Variants in XIRP2 observed in about 807,000 individuals in gnomAD.
XIRP2 encodes xin actin binding repeat containing 2, also known as xin actin-binding repeat-containing protein 2.
A neutral mutation model predicts 277.0 loss-of-function variants in XIRP2; 236 were observed. The ratio of observed to expected loss-of-function variants is 0.85; its 90% CI spans 0.77 to 0.95. The LOEUF is 0.95. Ranked by LOEUF, XIRP2 falls within the 40% of genes least tolerant of loss-of-function variation. The probability of loss-of-function intolerance (pLI) is 0.00; values close to 1 mark genes in which losing one functional copy is unlikely to be tolerated. For missense variants in XIRP2, 4,640 were observed against 4,157.5 expected (o/e 1.12, Z -3.19); for synonymous variants, 1,490 against 1,416.5 (o/e 1.05, Z -1.17).
chr2:167,180,316 C>T (rs1228659360), intron 3 of XIRP2, among the ~76,000 whole-genome samples: 5 of 152,046 alleles, frequency 3.3e-5, no homozygotes. Context: ...TCCTCTGAAA[C>T]AGTTATGTTT....
At chr2:166,937,845 T>C (rs1685564722) in intron 2 of XIRP2, among the ~76,000 whole-genome samples, 2 of 152,224 alleles carry the variant, frequency 1.3e-5, no homozygotes, top group African/African-American at 4.8e-5. Context: ...TGTTGAGGAA[T>C]TTATCCATTT....
intron 2 of XIRP2, among the ~76,000 whole-genome samples, chr2:167,035,228 G>A (rs373431478): frequency 5.9e-4 from 90 of 152,270 alleles, no homozygotes; most frequent in African/African-American, 1.9e-3. Context: ...ATGTGGAAGC[G>A]ACTTTGGATC....
chr2:167,004,471 G>C (rs985032045), intron 2 of XIRP2, among the ~76,000 whole-genome samples: 2 of 151,822 alleles, frequency 1.3e-5, no homozygotes, highest in Non-Finnish European at 2.9e-5. Flanking sequence ...CTAAAATGCA[G>C]CTAAGAACTT....
At chr2:166,983,038 A>G (rs1283687238) in intron 2 of XIRP2, among the ~76,000 whole-genome samples, 1 of 152,164 alleles carries the variant, frequency 6.6e-6, no homozygotes, top group East Asian at 1.9e-4. Context: ...GCCTTCAGTT[A>G]GGTGGCTTTT....
chr2:167,166,587 C>T (rs1290257179), intron 3 of XIRP2, among the ~76,000 whole-genome samples: 1 of 152,082 alleles, frequency 6.6e-6, no homozygotes, highest in East Asian at 1.9e-4. Flanking sequence ...CTGGTGAGGG[C>T]TCAGGGCACT....
At chr2:167,081,369 G>C (rs1159750120) in intron 2 of XIRP2, among the ~76,000 whole-genome samples, 2 of 152,170 alleles carry the variant, frequency 1.3e-5, no homozygotes, top group Non-Finnish European at 2.9e-5. Flanking sequence ...CAGAGAAGCA[G>C]AGGTGAGAGG....
At chr2:166,987,085 T>G (rs561427483) in intron 2 of XIRP2, among the ~76,000 whole-genome samples, 1 of 152,310 alleles carries the variant, frequency 6.6e-6, no homozygotes, top group East Asian at 1.9e-4. Flanking sequence ...AGTATAAACA[T>G]GTTTAAATCC....
chr2:167,207,801 T>C (rs1254812297), intron 3 of XIRP2, among the ~76,000 whole-genome samples: 1 of 152,154 alleles, frequency 6.6e-6, no homozygotes, highest in African/African-American at 2.4e-5. Context: ...TGTAAATATT[T>C]TTTCCAAGAA....
intron 2 of XIRP2, among the ~76,000 whole-genome samples, chr2:166,986,932 T>C (rs1687022240): frequency 6.6e-6 from 1 of 152,240 alleles, no homozygotes; most frequent in South Asian, 2.1e-4. Context: ...CCAAGAAATA[T>C]ATTATCCAAA....
chr2:167,034,293 G>A (rs371386176), intron 2 of XIRP2, among the ~76,000 whole-genome samples: 30 of 151,842 alleles, frequency 2.0e-4, no homozygotes, highest in African/African-American at 5.1e-4. Context: ...AACTTACAAC[G>A]GATACACAAA....
At chr2:166,995,611 G>T (rs1687199839) in intron 2 of XIRP2, among the ~76,000 whole-genome samples, 4 of 152,166 alleles carry the variant, frequency 2.6e-5, no homozygotes, top group Admixed American at 2.6e-4. Flanking sequence ...ATTAAAGATA[G>T]ACTATTAAAT....
chr2:167,099,511 G>C (rs1489770795), intron 2 of XIRP2, among the ~76,000 whole-genome samples: 1 of 152,112 alleles, frequency 6.6e-6, no homozygotes, highest in East Asian at 1.9e-4. Flanking sequence ...CTTTCCAGGA[G>C]AGTGAACAGT....
At chr2:167,202,645 C>T (rs373560023) in intron 3 of XIRP2, among the ~76,000 whole-genome samples, 36 of 152,108 alleles carry the variant, frequency 2.4e-4, no homozygotes, top group African/African-American at 7.5e-4. Context: ...TGAAATGTGC[C>T]TTTAAAAGTA....
At chr2:166,901,500 A>T (rs1684386757) in intron 1 of XIRP2, among the ~76,000 whole-genome samples, 1 of 152,030 alleles carries the variant, frequency 6.6e-6, no homozygotes, top group Non-Finnish European at 1.5e-5. Context: ...ACAGGAGAAA[A>T]TGGCTTTCCT....
At chr2:166,961,927 TGAATTAAGCATACCTCTGG>T (rs1257266826) in intron 2 of XIRP2, among the ~76,000 whole-genome samples, 1 of 151,646 alleles carries the variant, frequency 6.6e-6, no homozygotes, top group African/African-American at 2.4e-5. Context: ...AAGCTAAGGA[TGAATTAAGCATACCTCTGG>T]GAATTAAGGA....
intron 2 of XIRP2, among the ~76,000 whole-genome samples, chr2:167,128,501 CCACAGGGCTCACTAT>C (rs1407747981): frequency 2.6e-5 from 4 of 152,126 alleles, no homozygotes; most frequent in Admixed American, 2.6e-4. Flanking sequence ...TCTACACATT[CCACAGGGCTCACTAT>C]GAGACTTGAA....
intron 2 of XIRP2, among the ~76,000 whole-genome samples, chr2:167,076,973 G>T (rs1051311820): frequency 6.6e-6 from 1 of 151,912 alleles, no homozygotes; most frequent in African/African-American, 2.4e-5. Context: ...TCAGGTTACA[G>T]GCACATGCCC....
chr2:167,093,872 G>A (rs1022447269), intron 2 of XIRP2, among the ~76,000 whole-genome samples: 5 of 152,168 alleles, frequency 3.3e-5, no homozygotes, highest in Admixed American at 1.3e-4. Flanking sequence ...TCTGGTTCTA[G>A]ATCCTTGAGG....
In XIRP2 at chr2:167,249,575, G is replaced by A. The variant is rs16853328; in HGVS notation, c.8183G>A (p.Ser2728Asn). The change falls in exon 9 of 11, where the codon AGC becomes AAC. Residue 2728 changes from serine (S) to asparagine (N), a missense_variant. Physicochemically the swap from Ser to Asn is conservative, Grantham distance 46. Coordinates refer to ENST00000409195, the MANE Select transcript of XIRP2 (RefSeq NM_152381.6). ...CATACATTAAATGAAACAGACCACAGCTATGAAAGTCATAAACAGCAATCT... is the reference window on the plus strand; with the variant it reads ...CATACATTAAATGAAACAGACCACAACTATGAAAGTCATAAACAGCAATCT... ...LDHTLNETDH[S>N]YESHKQQSEI... 0.11 allele frequency: 178,594 copies of A among 1,613,332 alleles called. 11,422 individuals carry two copies. The highest frequency in any genetic ancestry group is 0.27 in the African/African-American group (20,579 of 74,864).
Sources: gnomAD v4.1 joint callset for allele counts (sites outside exome capture counted in the v4.1 genomes callset) on GRCh38, gnomAD v4.1.1 for gene constraint, MANE v1.5 for transcripts, NCBI Gene and HGNC (gene_info 2026-07-23, HGNC 2026-07-21) for gene names.